SEPTIN10: variants seen among roughly 807,000 people sequenced by gnomAD.
SEPTIN10 encodes septin 10.
Under a neutral mutation model 54.8 loss-of-function variants are expected in SEPTIN10, and 66 were observed. That is an observed-to-expected ratio of 1.21 (90% CI 0.99 to 1.48). The LOEUF is 1.48. Ranked by LOEUF, SEPTIN10 falls within the 40% of genes most tolerant of loss-of-function variation. SEPTIN10 has a pLI of 0.00. For synonymous variants in SEPTIN10, 161 were observed against 181.0 expected (o/e 0.89, Z 0.89); for missense variants, 620 against 545.6 (o/e 1.14, Z -1.36).
At chr2:109,594,569 TGGTG>T in intron 1 of SEPTIN10, 1 of 151,902 alleles carries the variant, frequency 6.6e-6, no homozygotes, top group East Asian at 1.9e-4. Flanking sequence ...TACTACAGTG[TGGTG>T]TATACATATC....
Position 109,565,750 on chromosome 2 carries a change from T to C in SEPTIN10, c.859+13A>G. 6.2e-7 allele frequency: 1 copy of C among 1,605,324 alleles called. No homozygotes were observed. Among genetic ancestry groups the C allele is most frequent in the South Asian group, 1.1e-5 (1 of 90,866 alleles). On this transcript the variant is annotated intron_variant, in intron 7 of 10. Coordinates refer to ENST00000397712, the MANE Select transcript of SEPTIN10 (RefSeq NM_144710.5). Reference sequence around the variant, plus strand: ...ATAGATACATATTTCTAGTCATCCTTTGTCTCATTTACCTTGTACAACACC... The same window carrying C: ...ATAGATACATATTTCTAGTCATCCTCTGTCTCATTTACCTTGTACAACACC...
In SEPTIN10 at chr2:109,585,856, CA is replaced by C. The variant is rs1286893080; in HGVS notation, c.100-19del. The stretch of plus-strand genomic sequence containing the variant: ...TCTCTTTTCTGAAGGAAAATAAAAA[CA>C]AAAACAACAGCAATAAAAAAAACAA... On this transcript the variant is annotated intron_variant, in intron 2 of 10. Coordinates refer to ENST00000397712, the MANE Select transcript of SEPTIN10 (RefSeq NM_144710.5). 3 of 1,487,974 alleles carry C rather than the reference CA, an allele frequency of 2.0e-6. No homozygotes were observed. The highest frequency in any genetic ancestry group is 2.8e-6 in the Non-Finnish European group (3 of 1,082,300). The allele number at this position is 1,487,974 out of a possible 1,614,324, so 92.2% of individuals were successfully genotyped here.
chr2:109,554,260 G>A (rs760601605), intron 8 of SEPTIN10, among the ~76,000 whole-genome samples: 24 of 152,262 alleles, frequency 1.6e-4, no homozygotes, highest in Middle Eastern at 6.8e-3. Flanking sequence ...CTACCACGAT[G>A]TAATTCAAAA....
At chr2:109,592,189 G>C (rs555114847) in intron 2 of SEPTIN10, among the ~76,000 whole-genome samples, 12 of 152,172 alleles carry the variant, frequency 7.9e-5, no homozygotes, top group Non-Finnish European at 1.0e-4. Flanking sequence ...TAACGGCCGG[G>C]CGTGGTGGCT....
chr2:109,574,466 A>G (rs1044139300), intron 5 of SEPTIN10, 115 bp downstream of exon 5: 11 of 573,202 alleles, frequency 1.9e-5, no homozygotes. Flanking sequence ...AAAAAAAAAA[A>G]TTTAAAAAAG....
intron 2 of SEPTIN10, among the ~76,000 whole-genome samples, chr2:109,586,391 A>G (rs1692543248): frequency 6.6e-6 from 1 of 152,026 alleles, no homozygotes; most frequent in African/African-American, 2.4e-5. Flanking sequence ...ATCAGGTGAG[A>G]TGAGTTTATC....
chr2:109,613,144 C>T, intron 1 of SEPTIN10: 1 of 1,286,318 alleles, frequency 7.8e-7, no homozygotes, highest in Non-Finnish European at 1.0e-6. Flanking sequence ...ATGTACACGA[C>T]CTTGGTACTA....
intron 5 of SEPTIN10, among the ~76,000 whole-genome samples, chr2:109,571,572 ATACAG>A (rs1382224881): frequency 1.3e-5 from 2 of 152,232 alleles, no homozygotes; most frequent in Admixed American, 6.5e-5. Flanking sequence ...GAAACATATA[ATACAG>A]TACAGTAAAA....
intron 1 of SEPTIN10, among the ~76,000 whole-genome samples, chr2:109,596,091 G>A (rs1301184816): frequency 2.0e-5 from 3 of 152,092 alleles, no homozygotes; most frequent in Admixed American, 6.6e-5. Context: ...GAGTGCAGTG[G>A]TGCGATCACA....
At chr2:109,611,372 T>C (rs1427372377) in intron 1 of SEPTIN10, among the ~76,000 whole-genome samples, 1 of 151,744 alleles carries the variant, frequency 6.6e-6, no homozygotes, top group Non-Finnish European at 1.5e-5. Context: ...CAAAAGACCC[T>C]GTTAGAAGAT....
rs763593198 is a variant in SEPTIN10 at position 109,564,515 on chromosome 2, A to G, written c.879T>C (p.Cys293=). ...GCATTTCCCGCAGCTTTACAAAGTC[A>G]CAGTGGTTTTCATTTTCCACTAGCC... ...GVVQVENENH[C]DFVKLREMLI... Residue 293 remains cysteine (C), a synonymous_variant, in exon 8 of 11, where the codon TGT becomes TGC. Transcript: ENST00000397712. 1.2e-5 allele frequency: 19 copies of G among 1,525,714 alleles called. No individual in the cohort carries two copies. The highest frequency in any genetic ancestry group is 1.7e-5 in the Non-Finnish European group (19 of 1,130,000). 94.5% of individuals were successfully genotyped at this position (1,525,714 alleles called of 1,614,324 possible). A position where few individuals can be genotyped will look rare whatever the true frequency, so the allele number is the denominator to read the frequency against.
chr2:109,551,335 G>A (rs902538803), intron 9 of SEPTIN10, among the ~76,000 whole-genome samples: 1 of 152,224 alleles, frequency 6.6e-6, no homozygotes, highest in Non-Finnish European at 1.5e-5. Flanking sequence ...ATTAAATAAT[G>A]TTTTGAGTGG....
chr2:109,606,420 CAAAAAAT>C (rs1263123002), intron 1 of SEPTIN10, among the ~76,000 whole-genome samples: 4 of 151,814 alleles, frequency 2.6e-5, no homozygotes, highest in African/African-American at 4.8e-5. Flanking sequence ...TCTCAAAAAA[CAAAAAAT>C]AAAAAATAAA....
chr2:109,605,437 T>C (rs2106260528), intron 1 of SEPTIN10: 1 of 152,188 alleles, frequency 6.6e-6, no homozygotes, highest in South Asian at 2.1e-4. Context: ...ACCACTGCAC[T>C]CTACTCTGAG....
chr2:109,544,745 A>G, intron 10 of SEPTIN10: 1 of 835,356 alleles, frequency 1.2e-6, no homozygotes. Context: ...TTCTAAATTC[A>G]ATGCTTGAAT....
chr2:109,585,583 G>T (rs557812122), intron 3 of SEPTIN10, 138 bp downstream of exon 3: 2 of 751,726 alleles, frequency 2.7e-6, no homozygotes, highest in South Asian at 1.8e-5. Context: ...AAAACTAACA[G>T]AATCTAAACA....
Position 109,585,726 on chromosome 2 carries a change from C to T in SEPTIN10, c.212G>A (p.Cys71Tyr), listed in dbSNP as rs369040281. Reference sequence around the variant, plus strand: ...GAAGAGTAGGTGGCACGTACCCACACAGAGAATATTAAAGCAGAAACCTTG... The same window carrying T: ...GAAGAGTAGGTGGCACGTACCCACATAGAGAATATTAAAGCAGAAACCTTG... ...IQQGFCFNIL[C>Y]VGETGIGKST... is the part of the protein sequence containing the mutation. Residue 71 changes from cysteine (C) to tyrosine (Y), a missense_variant, in exon 3 of 11, where the codon TGT (cysteine) becomes TAT (tyrosine). Physicochemically the swap from Cys to Tyr is radical, Grantham distance 194. Transcript: ENST00000397712. 5.0e-6 allele frequency: 8 copies of T among 1,610,266 alleles called. No homozygotes were observed. The highest frequency in any genetic ancestry group is 1.9e-4 in the Middle Eastern group (1 of 5,194).
intron 1 of SEPTIN10, among the ~76,000 whole-genome samples, chr2:109,596,697 C>A (rs1695391909): frequency 6.6e-6 from 1 of 151,708 alleles, no homozygotes; most frequent in Middle Eastern, 3.4e-3. Flanking sequence ...GGTTAAATTT[C>A]TGTCATTTAT....
In SEPTIN10 at chr2:109,552,339, T is replaced by C. The variant is rs554564095; in HGVS notation, c.1161+748A>G. On this transcript the variant is annotated intron_variant, in intron 9 of 10. Coordinates refer to ENST00000397712, the MANE Select transcript of SEPTIN10 (RefSeq NM_144710.5). ...AAAGCTACTTCACAGCCTTCACAGATATCCATTTCAGGGCAAACAACCACC... is the reference window on the plus strand; with the variant it reads ...AAAGCTACTTCACAGCCTTCACAGACATCCATTTCAGGGCAAACAACCACC... Among the ~76,000 whole-genome samples, 8 of 152,274 alleles carry C rather than the reference T, an allele frequency of 5.3e-5. No individual in the cohort carries two copies. In the South Asian group the frequency reaches 1.2e-3, roughly 24 times the overall value.
Sources: gnomAD v4.1 joint callset for allele counts (sites outside exome capture counted in the v4.1 genomes callset) on GRCh38, gnomAD v4.1.1 for gene constraint, MANE v1.5 for transcripts, NCBI Gene and HGNC (gene_info 2026-07-23, HGNC 2026-07-21) for gene names.